LRRC8A: variants seen among roughly 807,000 people sequenced by gnomAD.
The protein encoded by LRRC8A is leucine rich repeat containing 8 VRAC subunit A, also known as volume-regulated anion channel subunit LRRC8A.
Under a neutral mutation model 52.5 loss-of-function variants are expected in LRRC8A, and 24 were observed. That is an observed-to-expected ratio of 0.46 (90% confidence interval 0.33 to 0.64). The LOEUF (loss-of-function observed/expected upper bound fraction) is 0.64, where lower values mean the gene tolerates loss of function less well. Among genes scored for constraint, LRRC8A ranks in the 30% least tolerant of loss-of-function variants. LRRC8A has a pLI of 0.02. For synonymous variants in LRRC8A, 492 were observed against 494.2 expected, an observed-to-expected ratio of 1.00 and a Z score of 0.06; for missense variants, 677 against 1,094.7, an observed-to-expected ratio of 0.62 and a Z score of 5.38.
intron 2 of LRRC8A, among the ~76,000 whole-genome samples, chr9:128,887,773 C>T (rs1335423390): frequency 6.6e-6 from 1 of 152,114 alleles, no homozygotes; most frequent in African/African-American, 2.4e-5. Context: ...TCCCGAGTAG[C>T]TGGGACTACA....
In LRRC8A at chr9:128,907,514, G is replaced by A. The variant is rs756908314; in HGVS notation, c.350G>A (p.Arg117Gln). The A allele has an allele frequency of 3.7e-6, 6 of 1,614,144 alleles. No individual in the cohort carries two copies. The highest frequency in any genetic ancestry group is 4.5e-5 in the East Asian group (2 of 44,880). ...NYVDAVCYEN[R>Q]LHWFAKYFPY... ...GTGGACGCTGTGTGCTATGAGAACC[G>A]ACTGCACTGGTTTGCCAAGTACTTC... Residue 117 changes from arginine (R) to glutamine (Q), a missense_variant, in exon 3 of 4, where the codon CGA becomes CAA. Physicochemically the swap from Arg to Gln is conservative, Grantham distance 43. Transcript: ENST00000372600. The surrounding 1 kb of genome is among the most constrained non-coding windows in gnomAD (Gnocchi z 9.3).
intron 2 of LRRC8A, among the ~76,000 whole-genome samples, chr9:128,895,335 C>T (rs1407282271): frequency 4.6e-5 from 7 of 152,134 alleles, no homozygotes; most frequent in African/African-American, 1.7e-4. Context: ...GGCCACGGAG[C>T]AAAGCAAGAC....
At chr9:128,909,730 TTG>T (rs1307740166) in intron 3 of LRRC8A, among the ~76,000 whole-genome samples, 1 of 152,138 alleles carries the variant, frequency 6.6e-6, no homozygotes, top group Non-Finnish European at 1.5e-5. Flanking sequence ...AGCCTGGAGT[TTG>T]TGTCTTCCTC....
rs72758878 is a variant in LRRC8A at position 128,883,060 on chromosome 9, C to T, written c.-116+810C>T. ...GAGGTCTGCCGGTTCTCAGCTGTTG[C>T]GATTGTTGCCTTTTTTGGGAAGGAG... On this transcript the variant is annotated intron_variant, in intron 1 of 3. Coordinates refer to ENST00000372600, the MANE Select transcript of LRRC8A (RefSeq NM_019594.4). 8.7e-3 allele frequency among the ~76,000 whole-genome samples: 1,321 copies of T among 152,238 alleles called. 16 individuals are homozygous for T. Among genetic ancestry groups the T allele is most frequent in the South Asian group, 0.042 (203 of 4,818 alleles).
chr9:128,908,081 G>T lies in LRRC8A; in HGVS notation c.917G>T (p.Arg306Leu). ...GACATTGAGAGCCTGACGGGCTACC[G>T]CACCTACCGCTGTGCCCACCCCCTG... ...TVDIESLTGY[R>L]TYRCAHPLAT... The change falls in exon 3 of 4, where the codon CGC becomes CTC. Residue 306 changes from arginine (R) to leucine (L), a missense_variant. Arg to Leu is a moderately radical substitution (Grantham distance 102). This residue lies in a region of LRRC8A where 422 missense variants were observed against 741.5 expected (regional missense o/e 0.57). Coordinates refer to ENST00000372600, the MANE Select transcript of LRRC8A (RefSeq NM_019594.4). The T allele has an allele frequency of 6.2e-7, 1 of 1,613,896 alleles. No homozygotes were observed. The highest frequency in any genetic ancestry group is 1.6e-4 in the Middle Eastern group (1 of 6,062).
Position 128,909,108 on chromosome 9 carries a change from C to T in LRRC8A, c.1944C>T (p.Tyr648=), listed in dbSNP as rs1245503219. ...GCCTCACCTGCCTTAAGCTGTGGTA[C>T]AACCACATCGCCTACATCCCCATCC... The part of the protein sequence containing the change: ...LHRLTCLKLW[Y]NHIAYIPIQI... The change falls in exon 3 of 4, where the codon TAC becomes TAT. Residue 648 remains tyrosine (Y), a synonymous_variant. Coordinates refer to ENST00000372600, the MANE Select transcript of LRRC8A (RefSeq NM_019594.4). 6.2e-7 allele frequency: 1 copy of T among 1,614,186 alleles called. No homozygotes were observed. The highest frequency in any genetic ancestry group is 8.5e-7 in the Non-Finnish European group (1 of 1,180,038).
At chr9:128,896,029 G>C (rs1839811283) in intron 2 of LRRC8A, among the ~76,000 whole-genome samples, 2 of 152,250 alleles carry the variant, frequency 1.3e-5, no homozygotes, top group East Asian at 1.9e-4. Context: ...AGGCACTTAA[G>C]TAAAATATTC....
chr9:128,904,557 C>T (rs1193047086), intron 2 of LRRC8A, among the ~76,000 whole-genome samples: 1 of 151,970 alleles, frequency 6.6e-6, no homozygotes, highest in Non-Finnish European at 1.5e-5. Flanking sequence ...TATTCTAATA[C>T]ACAGAAAGGG....
intron 3 of LRRC8A, among the ~76,000 whole-genome samples, chr9:128,914,980 C>T (rs1233727092): frequency 6.6e-6 from 1 of 152,210 alleles, no homozygotes; most frequent in African/African-American, 2.4e-5. Flanking sequence ...CAAATCCTGG[C>T]TCCATCACTT....
Position 128,893,310 on chromosome 9 carries a change from T to C in LRRC8A, c.-9+7189T>C, listed in dbSNP as rs1588202821. On this transcript the variant is annotated intron_variant, in intron 2 of 3. Transcript: ENST00000372600. ...ACCCAGGTCAGTCCCCACTGAATTC[T>C]GGGAGGGTCATCTGCGATGGCAGGT... Among the ~76,000 whole-genome samples the C allele has an allele frequency of 1.3e-5, 2 of 152,304 alleles. 1 individual carries two copies. The highest frequency in any genetic ancestry group is 4.1e-4 in the South Asian group (2 of 4,826).
Position 128,917,131 on chromosome 9 carries a change from A to T in LRRC8A, c.*760A>T, listed in dbSNP as rs1268166262. 2 of 150,370 alleles carry T rather than the reference A, an allele frequency of 1.3e-5. No homozygotes were observed. The highest frequency in any genetic ancestry group is 3.0e-5 in the Non-Finnish European group (2 of 67,614). The allele number at this position is 150,370 out of a possible 1,614,324, so 9.3% of individuals were successfully genotyped here. ...AAAAAAAAAACTTAAAAAAAAAAAGACACTAACGGCCAGTGAGTTGGAGTC... is the reference window on the plus strand; with the variant it reads ...AAAAAAAAAACTTAAAAAAAAAAAGTCACTAACGGCCAGTGAGTTGGAGTC... On this transcript the variant is annotated 3_prime_UTR_variant, in exon 4 of 4. Transcript: ENST00000372600.
At chr9:128,887,802 C>T (rs1037507985) in intron 2 of LRRC8A, among the ~76,000 whole-genome samples, 8 of 152,140 alleles carry the variant, frequency 5.3e-5, no homozygotes, top group East Asian at 3.9e-4. Context: ...CCACCACGCC[C>T]GGCTAATTTT....
At chr9:128,900,677 G>A (rs529890096) in intron 2 of LRRC8A, among the ~76,000 whole-genome samples, 10 of 152,232 alleles carry the variant, frequency 6.6e-5, no homozygotes, top group African/African-American at 2.4e-4. Flanking sequence ...CACTGCTCCA[G>A]CCTGAGTGAC....
chr9:128,896,561 C>A (rs944759043), intron 2 of LRRC8A, among the ~76,000 whole-genome samples: 4 of 152,158 alleles, frequency 2.6e-5, no homozygotes, highest in Non-Finnish European at 5.9e-5. Context: ...TGATTACTAG[C>A]AAGGCTAAGA....
intron 2 of LRRC8A, among the ~76,000 whole-genome samples, chr9:128,891,303 G>A (rs1328452195): frequency 6.6e-6 from 1 of 151,190 alleles, no homozygotes; most frequent in Non-Finnish European, 1.5e-5. Context: ...GGTGGCATGT[G>A]CATGTAGTTC....
chr9:128,901,425 C>T (rs143614112), intron 2 of LRRC8A, among the ~76,000 whole-genome samples: 14 of 152,248 alleles, frequency 9.2e-5, no homozygotes, highest in African/African-American at 2.9e-4. Flanking sequence ...GATCGTGCCA[C>T]TGCACCCCAG....
Position 128,911,781 on chromosome 9 carries a change from T to C in LRRC8A, c.2157+2460T>C, listed in dbSNP as rs529235027. On this transcript the variant is annotated intron_variant, in intron 3 of 3. Coordinates refer to ENST00000372600, the MANE Select transcript of LRRC8A (RefSeq NM_019594.4). The surrounding 1 kb of genome is among the most constrained non-coding windows in gnomAD (Gnocchi z 4.9). ...CCCTCTGGACACCCTGTTTAGCACA[T>C]GGCTTAATCACATCCTGTCCCCACC... Among the ~76,000 whole-genome samples, 1 of 152,256 alleles carries C rather than the reference T, an allele frequency of 6.6e-6. No individual in the cohort carries two copies. The highest frequency in any genetic ancestry group is 1.5e-5 in the Non-Finnish European group (1 of 68,010).
At chr9:128,912,092 T>C (rs181005009) in intron 3 of LRRC8A, among the ~76,000 whole-genome samples, 55 of 152,390 alleles carry the variant, frequency 3.6e-4, no homozygotes, top group African/African-American at 1.3e-3. Flanking sequence ...ATGTTTTGTT[T>C]GTTTGTTTTT....
At chr9:128,895,430 T>C (rs533977452) in intron 2 of LRRC8A, among the ~76,000 whole-genome samples, 13 of 152,372 alleles carry the variant, frequency 8.5e-5, no homozygotes, top group East Asian at 5.8e-4. Context: ...TATTTCTTGC[T>C]GGAGCTGGAT....
Sources: gnomAD v4.1 joint callset for allele counts (sites outside exome capture counted in the v4.1 genomes callset) on GRCh38, gnomAD v4.1.1 for gene constraint, gnomAD v4.1.1 regional missense constraint, Gnocchi (gnomAD v3.1) non-coding constraint, MANE v1.5 for transcripts, NCBI Gene and HGNC (gene_info 2026-07-23, HGNC 2026-07-21) for gene names.